GOSR1: variants seen among roughly 807,000 people sequenced by gnomAD.
GOSR1 encodes the protein 28 kDa Golgi SNARE protein.
GOSR1 carries 21 observed loss-of-function variants against 35.5 expected under a neutral mutation model. The observed-to-expected ratio is 0.59, with a 90% CI of 0.42 to 0.85. GOSR1 has a LOEUF of 0.85. Among genes scored for constraint, GOSR1 ranks in the 40% least tolerant of loss-of-function variants. The pLI is 0.00. For synonymous variants in GOSR1, 94 were observed against 106.6 expected, an observed-to-expected ratio of 0.88 and a Z score of 0.73; for missense variants, 285 against 309.6, an observed-to-expected ratio of 0.92 and a Z score of 0.60.
chr17:30,518,808 T>A (rs1967914458), intron 7 of GOSR1, among the ~76,000 whole-genome samples: 1 of 151,946 alleles, frequency 6.6e-6, no homozygotes, highest in African/African-American at 2.4e-5. Context: ...CCAGGCATGA[T>A]GGCACATGCC....
Position 30,484,968 on chromosome 17 carries a change from CT to C in GOSR1, c.342+200del, listed in dbSNP as rs1163112052. 1.3e-5 allele frequency: 8 copies of C among 593,006 alleles called. No homozygotes were observed. In the East Asian group the frequency reaches 2.6e-4, roughly 19 times the overall value. 36.7% of individuals were successfully genotyped at this position (593,006 alleles called of 1,614,324 possible). On this transcript the variant is annotated intron_variant, in intron 4 of 8. Transcript: ENST00000451249. ...AAAATTCTGAAAATATCTAATAGCT[CT>C]TGCTATTTCTTGGCGAAGTTGAGTA...
rs959982996 is a variant in GOSR1, at chr17:30,477,852, A to T, written c.31+388A>T. Reference sequence around the variant, plus strand: ...GATCCAGAGCCCCGGAGACTGGAGGAGTCAGCGCATTGGAGCTGAGGTCAC... The same window carrying T: ...GATCCAGAGCCCCGGAGACTGGAGGTGTCAGCGCATTGGAGCTGAGGTCAC... On this transcript the variant is annotated intron_variant, in intron 1 of 8. Transcript: ENST00000451249. 6 of 985,178 alleles carry T rather than the reference A, an allele frequency of 6.1e-6. No homozygotes were observed. The African/African-American group carries it at 1.0e-4, about 17-fold the overall frequency. 61.0% of individuals were successfully genotyped at this position (985,178 alleles called of 1,614,324 possible). A position where few individuals can be genotyped will look rare whatever the true frequency, so the allele number is the denominator to read the frequency against.
intron 1 of GOSR1, chr17:30,477,715 A>G: frequency 1.0e-6 from 1 of 985,258 alleles, no homozygotes; most frequent in Non-Finnish European, 1.2e-6. Context: ...GCGGGGATGT[A>G]GAGGAAGAGG....
chr17:30,495,320 A>G (rs1966954769), intron 6 of GOSR1: 6 of 410,470 alleles, frequency 1.5e-5, no homozygotes, highest in African/African-American at 4.1e-5. Flanking sequence ...AGAATCATAC[A>G]TTCATTACTT....
chr17:30,495,189 A>G (rs1966951168), intron 6 of GOSR1, among the ~76,000 whole-genome samples: 1 of 145,836 alleles, frequency 6.9e-6, no homozygotes, highest in African/African-American at 2.6e-5. Context: ...CTCCGGCTCA[A>G]AAAAAAAAAA....
chr17:30,484,304 A>G lies in GOSR1; in HGVS notation c.234+3A>G, dbSNP rs201877474. 6.4e-7 allele frequency: 1 copy of G among 1,565,332 alleles called. No homozygotes were observed. The highest frequency in any genetic ancestry group is 2.2e-5 in the East Asian group (1 of 44,600). ...AGATTGAACAACTTTTGGCAAGGGT[A>G]AGTGCTTTCTGTTAAATGGCTATTT... On this transcript the variant is annotated splice_donor_region_variant and intron_variant, in intron 3 of 8. Coordinates refer to ENST00000451249, the MANE Select transcript of GOSR1 (RefSeq NM_001007025.2).
At chr17:30,496,141 T>A (rs1413196224) in intron 6 of GOSR1, among the ~76,000 whole-genome samples, 5 of 152,216 alleles carry the variant, frequency 3.3e-5, no homozygotes, top group Admixed American at 2.0e-4. Flanking sequence ...TGTTAAGGGA[T>A]GGAATATTTG....
intron 6 of GOSR1, among the ~76,000 whole-genome samples, chr17:30,501,661 A>G (rs1487750198): frequency 3.3e-5 from 5 of 151,982 alleles, no homozygotes; most frequent in Non-Finnish European, 5.9e-5. Flanking sequence ...ACACCCGGCT[A>G]ATTTTTGTAT....
intron 1 of GOSR1, 109 bp from the exon 2 acceptor site, chr17:30,481,034 A>G (rs1468344765): frequency 1.4e-6 from 1 of 730,216 alleles, no homozygotes; most frequent in African/African-American, 1.7e-5. Context: ...TATGGGGGTA[A>G]CAAGATCAGT....
intron 2 of GOSR1, among the ~76,000 whole-genome samples, chr17:30,482,598 C>A (rs934889887): frequency 3.9e-5 from 6 of 152,170 alleles, no homozygotes; most frequent in Non-Finnish European, 5.9e-5. Context: ...AGATTTGAAT[C>A]TAGATCTATC....
At chr17:30,480,319 AAG>A (rs1443876925) in intron 1 of GOSR1, 1 of 152,102 alleles carries the variant, frequency 6.6e-6, no homozygotes, top group African/African-American at 2.4e-5. Context: ...CAAAAAAAAA[AAG>A]AAAAAAAAAG....
chr17:30,513,774 A>AC (rs955033649), intron 7 of GOSR1, among the ~76,000 whole-genome samples: 3 of 151,952 alleles, frequency 2.0e-5, no homozygotes, highest in African/African-American at 4.8e-5. Flanking sequence ...ACATAGTGAG[A>AC]CCCCATCTTT....
At position 30,523,596 on chromosome 17, in the gene GOSR1, G is replaced by GGCCAGCCGCCCCGCCCA. The variant is rs1968122978; in HGVS notation, c.*1231_*1232insCCCAGCCAGCCGCCCCG. The GGCCAGCCGCCCCGCCCA allele has an allele frequency of 6.5e-6, 1 of 154,688 alleles. No homozygotes were observed. The highest frequency in any genetic ancestry group is 1.4e-5 in the Non-Finnish European group (1 of 71,762). 9.6% of individuals were successfully genotyped at this position (154,688 alleles called of 1,614,324 possible). The stretch of plus-strand genomic sequence containing the variant: ...GGTGGGGGGGATCAGCCCCCCGCCC[G>GGCCAGCCGCCCCGCCCA]GCCAGCCGCCCCGTCCGGGAGGGAG... On this transcript the variant is annotated 3_prime_UTR_variant, in exon 9 of 9. Coordinates refer to ENST00000451249, the MANE Select transcript of GOSR1 (RefSeq NM_001007025.2).
At chr17:30,500,054 T>C (rs1191123166) in intron 6 of GOSR1, among the ~76,000 whole-genome samples, 1 of 152,180 alleles carries the variant, frequency 6.6e-6, no homozygotes, top group African/African-American at 2.4e-5. Context: ...GTTATAAGGG[T>C]TCTTTGTGTA....
Position 30,484,310 on chromosome 17 carries a change from T to C in GOSR1, c.234+9T>C, listed in dbSNP as rs775803986. On this transcript the variant is annotated intron_variant, in intron 3 of 8. Coordinates refer to ENST00000451249, the MANE Select transcript of GOSR1 (RefSeq NM_001007025.2). ...AACAACTTTTGGCAAGGGTAAGTGC[T>C]TTCTGTTAAATGGCTATTTTGCAAA... 3 of 1,524,260 alleles carry C rather than the reference T, an allele frequency of 2.0e-6. No homozygotes were observed. In the South Asian group the frequency reaches 3.4e-5, roughly 17 times the overall value. 94.4% of individuals were successfully genotyped at this position (1,524,260 alleles called of 1,614,324 possible). A position where few individuals can be genotyped will look rare whatever the true frequency, so the allele number is the denominator to read the frequency against.
intron 4 of GOSR1, chr17:30,485,102 G>A (rs10512432): frequency 0.29 from 103,719 of 361,644 alleles, 16,059 homozygotes; most frequent in Non-Finnish European, 0.34. Flanking sequence ...GTGGGTAAGC[G>A]TGTACTTTCA....
At chr17:30,483,043 T>C (rs1171429070) in intron 2 of GOSR1, 1 of 152,148 alleles carries the variant, frequency 6.6e-6, no homozygotes, top group Non-Finnish European at 1.5e-5. Flanking sequence ...TAAAGTGTCT[T>C]GTTTGATGCC....
chr17:30,511,426 A>T (rs993592809), intron 7 of GOSR1, among the ~76,000 whole-genome samples: 5 of 152,204 alleles, frequency 3.3e-5, no homozygotes, highest in African/African-American at 9.7e-5. Flanking sequence ...TTATGACAGT[A>T]AAAAAGTACA....
chr17:30,508,706 T>C (rs1967499890), intron 6 of GOSR1, among the ~76,000 whole-genome samples: 1 of 152,362 alleles, frequency 6.6e-6, no homozygotes, highest in Admixed American at 6.5e-5. Context: ...TTACAATGTG[T>C]AGTTATTGAG....
Sources: gnomAD v4.1 joint callset for allele counts (sites outside exome capture counted in the v4.1 genomes callset) on GRCh38, gnomAD v4.1.1 for gene constraint, MANE v1.5 for transcripts, NCBI Gene and HGNC (gene_info 2026-07-23, HGNC 2026-07-21) for gene names.